DHRSX: variants seen among roughly 807,000 people sequenced by gnomAD.
DHRSX encodes the protein polyprenol dehydrogenase.
A neutral mutation model predicts 34.0 loss-of-function variants in DHRSX; 31 were observed. The observed-to-expected ratio is 0.91, with a 90% CI of 0.69 to 1.23. The LOEUF (loss-of-function observed/expected upper bound fraction) is 1.23, where lower values mean the gene tolerates loss of function less well. Ranked by LOEUF, DHRSX falls within the 50% of genes most tolerant of loss-of-function variation. The probability of loss-of-function intolerance (pLI) is 0.00; values close to 1 mark genes in which losing one functional copy is unlikely to be tolerated. For missense variants in DHRSX, 414 were observed against 428.1 expected (o/e 0.97, Z 0.29); for synonymous variants, 201 against 183.8 (o/e 1.09, Z -0.76).
intron 6 of DHRSX, among the ~76,000 whole-genome samples, chrX:2,233,380 T>C (rs927854768): frequency 1.4e-3 from 207 of 152,202 alleles, no homozygotes; most frequent in Non-Finnish European, 2.8e-3. Context: ...GCTTTTTTTT[T>C]TTTTTAAATG....
intron 5 of DHRSX, among the ~76,000 whole-genome samples, chrX:2,262,519 G>A (rs958882019): frequency 6.6e-6 from 1 of 151,908 alleles, no homozygotes; most frequent in Non-Finnish European, 1.5e-5. Flanking sequence ...ATATGGGCAC[G>A]CATGCACCTC....
intron 5 of DHRSX, among the ~76,000 whole-genome samples, chrX:2,265,021 G>C (rs1293435515): frequency 2.0e-5 from 3 of 150,572 alleles, no homozygotes; most frequent in Admixed American, 6.6e-5. Context: ...AGGGAGCACT[G>C]TCCCCAGAGC....
chrX:2,288,739 G>A (rs1480847746), intron 4 of DHRSX, among the ~76,000 whole-genome samples: 3 of 152,224 alleles, frequency 2.0e-5, no homozygotes, highest in Non-Finnish European at 4.4e-5. Context: ...AGTCTAGGAA[G>A]AAGTAAACCC....
intron 6 of DHRSX, among the ~76,000 whole-genome samples, chrX:2,224,308 C>T (rs2015586870): frequency 6.6e-6 from 1 of 152,166 alleles, no homozygotes; most frequent in African/African-American, 2.4e-5. Flanking sequence ...ACTCAGCACT[C>T]TCTGGAAGGA....
At chrX:2,428,233 T>C (rs1279698467) in intron 1 of DHRSX, among the ~76,000 whole-genome samples, 1 of 152,160 alleles carries the variant, frequency 6.6e-6, no homozygotes, top group Non-Finnish European at 1.5e-5. Flanking sequence ...AACACAAGTG[T>C]ACTCATACCC....
chrX:2,359,464 T>A (rs968848670), intron 3 of DHRSX, among the ~76,000 whole-genome samples: 44 of 151,844 alleles, frequency 2.9e-4, no homozygotes, highest in Non-Finnish European at 4.4e-4. Flanking sequence ...GATCGCGAGG[T>A]CAGGAGTTCG....
At chrX:2,482,557 GC>G (rs2044790277) in intron 1 of DHRSX, among the ~76,000 whole-genome samples, 1 of 152,144 alleles carries the variant, frequency 6.6e-6, no homozygotes, top group African/African-American at 2.4e-5. Context: ...GAGCCATTGT[GC>G]CCGGTCTCAT....
intron 1 of DHRSX, among the ~76,000 whole-genome samples, chrX:2,450,939 C>T (rs2044208269): frequency 2.0e-5 from 3 of 151,864 alleles, no homozygotes; most frequent in Admixed American, 2.0e-4. Flanking sequence ...TAAAAGGGAC[C>T]CCAGAGAGCT....
At chrX:2,358,229 G>C (rs1236229742) in intron 3 of DHRSX, among the ~76,000 whole-genome samples, 1 of 152,156 alleles carries the variant, frequency 6.6e-6, no homozygotes, top group Non-Finnish European at 1.5e-5. Context: ...CCTACAGAAT[G>C]AGAGAAAGTA....
At chrX:2,363,969 C>T (rs1241385616) in intron 3 of DHRSX, among the ~76,000 whole-genome samples, 6 of 138,280 alleles carry the variant, frequency 4.3e-5, no homozygotes, top group East Asian at 2.0e-4. Context: ...TGAAAGGAGA[C>T]GGCTGGGTGG....
At chrX:2,287,437 T>C (rs2041816713) in intron 4 of DHRSX, among the ~76,000 whole-genome samples, 1 of 151,180 alleles carries the variant, frequency 6.6e-6, no homozygotes, top group African/African-American at 2.4e-5. Context: ...GACAAAATAA[T>C]GGCCCTGAAG....
At chrX:2,302,529 T>C (rs1398847530) in intron 3 of DHRSX, among the ~76,000 whole-genome samples, 3 of 152,096 alleles carry the variant, frequency 2.0e-5, no homozygotes, top group African/African-American at 7.2e-5. Flanking sequence ...GGAGAATTGC[T>C]TAAACCCGGG....
chrX:2,500,594 C>T (rs1285129302), intron 1 of DHRSX: 4 of 197,506 alleles, frequency 2.0e-5, no homozygotes, highest in African/African-American at 7.1e-5. Flanking sequence ...CCGGGCCAGG[C>T]GCGCAGAAGA....
intron 1 of DHRSX, among the ~76,000 whole-genome samples, chrX:2,460,646 C>T (rs1378747793): frequency 1.3e-5 from 2 of 148,862 alleles, no homozygotes; most frequent in South Asian, 2.1e-4. Flanking sequence ...TGCAGTGGTG[C>T]GATCACGTTT....
At chrX:2,298,542 A>C (rs73628283) in intron 3 of DHRSX, among the ~76,000 whole-genome samples, 9,752 of 146,890 alleles carry the variant, frequency 0.066, 1,124 homozygotes, top group African/African-American at 0.25. Context: ...TCCTGGTCTG[A>C]AGCACACAGC....
chrX:2,373,985 A>G (rs1287702995), intron 3 of DHRSX, among the ~76,000 whole-genome samples: 1 of 152,208 alleles, frequency 6.6e-6, no homozygotes, highest in Non-Finnish European at 1.5e-5. Flanking sequence ...GCATCTTAGC[A>G]TAGCAAGTTT....
chrX:2,321,012 T>C (rs1158587355), intron 3 of DHRSX, among the ~76,000 whole-genome samples: 1 of 152,054 alleles, frequency 6.6e-6, no homozygotes, highest in Non-Finnish European at 1.5e-5. Context: ...CAGCAGAGAT[T>C]TGCAAACAAT....
intron 1 of DHRSX, among the ~76,000 whole-genome samples, chrX:2,434,406 T>C (rs2043967575): frequency 2.6e-5 from 4 of 152,168 alleles, no homozygotes; most frequent in Admixed American, 2.0e-4. Context: ...TGGTAGCTTA[T>C]GCCTGTAATC....
At chrX:2,394,159 T>C (rs1230595689) in intron 3 of DHRSX, among the ~76,000 whole-genome samples, 1 of 152,136 alleles carries the variant, frequency 6.6e-6, no homozygotes, top group East Asian at 1.9e-4. Context: ...TGCAGGTGCC[T>C]AGGCCATGAG....
Sources: gnomAD v4.1 joint callset for allele counts (sites outside exome capture counted in the v4.1 genomes callset) on GRCh38, gnomAD v4.1.1 for gene constraint, MANE v1.5 for transcripts, NCBI Gene and HGNC (gene_info 2026-07-23, HGNC 2026-07-21) for gene names.